The following THAP4 variants were observed in gnomAD, a reference collection of about 807,000 sequenced individuals.
The protein encoded by THAP4 is THAP domain containing 4.
THAP4 carries 18 observed loss-of-function variants against 48.1 expected under a neutral mutation model. The ratio of observed to expected loss-of-function variants is 0.37; its 90% CI spans 0.26 to 0.56. THAP4 has a LOEUF of 0.56. Among genes scored for constraint, THAP4 ranks in the 20% least tolerant of loss-of-function variants. The pLI is 0.78. For missense variants in THAP4, 656 were observed against 774.9 expected (o/e 0.85, Z 1.82); for synonymous variants, 345 against 324.9 (o/e 1.06, Z -0.66).
rs528654526 is a variant in THAP4, at chr2:241,616,145, T to C, written c.1241-9672A>G. On this transcript the variant is annotated intron_variant, in intron 2 of 5. Coordinates refer to ENST00000407315, the MANE Select transcript of THAP4 (RefSeq NM_015963.6). This position sits in a 1 kb window ranked among gnomAD's most constrained non-coding sequence, Gnocchi z 4.6. Reference sequence around the variant, plus strand: ...TGGTCAAGTTGAACTGGACCATCTATTCCCCCAAGTGGGCCTGGATGGGCC... The same window carrying C: ...TGGTCAAGTTGAACTGGACCATCTACTCCCCCAAGTGGGCCTGGATGGGCC... Among the ~76,000 whole-genome samples the C allele has an allele frequency of 2.6e-5, 4 of 152,282 alleles. No homozygotes were observed. In the East Asian group the frequency reaches 5.8e-4, roughly 22 times the overall value.
chr2:241,584,652 G>C lies in THAP4; in HGVS notation c.1688C>G (p.Pro563Arg). ...GGTGACGTGAAGATGCTGAGTCATT[G>C]GCTGTGTCGTGGTTGCCATGGAGAC... is the stretch of plus-strand genomic sequence containing the variant. The part of the protein sequence containing the change: ...QTVSMATTTQ[P>R]MTQHLHVTYK... Residue 563 changes from proline to arginine, a missense_variant, in exon 6 of 6, where the codon CCA becomes CGA. Coordinates refer to ENST00000407315, the MANE Select transcript of THAP4 (RefSeq NM_015963.6). The C allele has an allele frequency of 6.2e-7, 1 of 1,614,216 alleles. No homozygotes were observed. Among genetic ancestry groups the C allele is most frequent in the Non-Finnish European group, 8.5e-7 (1 of 1,180,042 alleles).
chr2:241,598,912 G>A (rs35145466), intron 5 of THAP4, among the ~76,000 whole-genome samples: 9,036 of 147,078 alleles, frequency 0.061, 411 homozygotes, highest in Non-Finnish European at 0.092. Flanking sequence ...ACCAAGATAC[G>A]CACCTGCACT....
intron 5 of THAP4, among the ~76,000 whole-genome samples, chr2:241,595,312 G>A (rs1334750559): frequency 6.6e-6 from 1 of 151,858 alleles, no homozygotes; most frequent in African/African-American, 2.4e-5. Flanking sequence ...ACCGCACTCA[G>A]CCCTGCATTA....
At chr2:241,623,889 AG>A (rs2067464577) in intron 2 of THAP4, among the ~76,000 whole-genome samples, 1 of 152,236 alleles carries the variant, frequency 6.6e-6, no homozygotes, top group South Asian at 2.1e-4. Flanking sequence ...GGCCACATGC[AG>A]GTCTTTTCCC....
intron 5 of THAP4, chr2:241,594,594 AC>A (rs1322675065): frequency 8.4e-6 from 3 of 357,292 alleles, no homozygotes; most frequent in East Asian, 8.6e-5. Context: ...AAACAAAACA[AC>A]AACAACAACA....
intron 2 of THAP4, among the ~76,000 whole-genome samples, chr2:241,611,770 G>C (rs1232087654): frequency 6.6e-6 from 1 of 151,580 alleles, no homozygotes; most frequent in Non-Finnish European, 1.5e-5. Flanking sequence ...TGCTGCTCCT[G>C]AAGACCTTCT....
intron 2 of THAP4, among the ~76,000 whole-genome samples, chr2:241,623,144 G>C (rs987855568): frequency 3.3e-5 from 5 of 152,064 alleles, no homozygotes; most frequent in Non-Finnish European, 5.9e-5. Flanking sequence ...TTGAACCAGG[G>C]AGTCGGAGGC....
Position 241,637,052 on chromosome 2 carries a change from G to A in THAP4, c.-35C>T, listed in dbSNP as rs764561747. ...TGGCCCAGCCGCGCAGCCAGGCCCC[G>A]GCCCTAGCCGCCCGCCCGCCCGCGG... is the stretch of plus-strand genomic sequence containing the variant. On this transcript the variant is annotated 5_prime_UTR_variant, in exon 1 of 6. Coordinates refer to ENST00000407315, the MANE Select transcript of THAP4 (RefSeq NM_015963.6). The A allele has an allele frequency of 5.2e-6, 6 of 1,151,600 alleles. No homozygotes were observed. The highest frequency in any genetic ancestry group is 2.1e-5 in the South Asian group (1 of 47,430). 71.3% of individuals were successfully genotyped at this position (1,151,600 alleles called of 1,614,324 possible). A position where few individuals can be genotyped will look rare whatever the true frequency, so the allele number is the denominator to read the frequency against.
chr2:241,607,374 G>A (rs576353839), intron 2 of THAP4, among the ~76,000 whole-genome samples: 20 of 151,940 alleles, frequency 1.3e-4, no homozygotes, highest in Non-Finnish European at 2.8e-4. Context: ...GGATGCACGG[G>A]CCCTGCTCTT....
At chr2:241,611,163 T>TG (rs550358352) in intron 2 of THAP4, among the ~76,000 whole-genome samples, 66 of 152,066 alleles carry the variant, frequency 4.3e-4, no homozygotes, top group African/African-American at 1.1e-3. Context: ...CTCTGGGAGC[T>TG]GGGGGGGTGG....
At chr2:241,584,789 T>A (rs2066871979) in intron 5 of THAP4, 64 bp from the exon 6 acceptor site, 5 of 1,592,220 alleles carry the variant, frequency 3.1e-6, no homozygotes, top group Non-Finnish European at 4.3e-6. Context: ...TCAATGCCTG[T>A]GCGCCCACTG....
In THAP4 at chr2:241,610,638, G is replaced by A. The variant is rs967954055; in HGVS notation, c.1241-4165C>T. On this transcript the variant is annotated intron_variant, in intron 2 of 5. Coordinates refer to ENST00000407315, the MANE Select transcript of THAP4 (RefSeq NM_015963.6). This position sits in a 1 kb window ranked among gnomAD's most constrained non-coding sequence, Gnocchi z 4.2. ...TCTTCTCCCGGCCCCTCATCTACTT[G>A]GCAGACGCCTCTCACCGGCAGCCTC... is the stretch of plus-strand genomic sequence containing the variant. Among the ~76,000 whole-genome samples, 7 of 151,672 alleles carry A rather than the reference G, an allele frequency of 4.6e-5. No individual in the cohort carries two copies. The highest frequency in any genetic ancestry group is 7.4e-5 in the Non-Finnish European group (5 of 67,934).
At chr2:241,613,336 C>A (rs1322767801) in intron 2 of THAP4, among the ~76,000 whole-genome samples, 1 of 151,812 alleles carries the variant, frequency 6.6e-6, no homozygotes. Context: ...GTGGTAGATG[C>A]CTGGTCGTAC....
rs967076698 is a variant in THAP4, at chr2:241,633,683, G to A, written c.474C>T (p.Ala158=). Residue 158 remains alanine (A), a synonymous_variant, in exon 2 of 6, where the codon GCC becomes GCT. Transcript: ENST00000407315. The surrounding 1 kb of genome is among the most constrained non-coding windows in gnomAD (Gnocchi z 7.5). ...CCTGCTCCTGGCTGGCGGCCTCCTG[G>A]GCCGCCCTGGGTGTGGCTTCACCTT... ...ALQGEATPRA[A]QEAASQEQAQ... 6.8e-6 allele frequency: 11 copies of A among 1,611,306 alleles called. No individual in the cohort carries two copies. Among genetic ancestry groups the A allele is most frequent in the Non-Finnish European group, 7.6e-6 (9 of 1,179,728 alleles).
rs776208766 is a variant in THAP4 at position 241,632,901 on chromosome 2, AG to A, written c.1240+15del. ...AACGGGAAGGGAACATGGGTACGCGAGGCTCCGGTACTGACCGCGGCTGGGC... is the reference window on the plus strand; with the variant it reads ...AACGGGAAGGGAACATGGGTACGCGAGCTCCGGTACTGACCGCGGCTGGGC... On this transcript the variant is annotated intron_variant, in intron 2 of 5. Transcript: ENST00000407315. 1 of 1,555,422 alleles carries A rather than the reference AG, an allele frequency of 6.4e-7. No homozygotes were observed. Among genetic ancestry groups the A allele is most frequent in the East Asian group, 2.3e-5 (1 of 44,132 alleles).
chr2:241,585,282 A>G (rs2066880222), intron 5 of THAP4, among the ~76,000 whole-genome samples: 1 of 152,106 alleles, frequency 6.6e-6, no homozygotes, highest in East Asian at 1.9e-4. Context: ...TAAGTCCCGA[A>G]TGAGTCAGCC....
rs1023917910 is a variant in THAP4, at chr2:241,602,761, C to T, written c.1510+209G>A. ...GGGCCCTCATGGTCAGGGGGCTGCA[C>T]GCACACAACCTGTGTGCCGGAGGCC... On this transcript the variant is annotated intron_variant, in intron 4 of 5. Coordinates refer to ENST00000407315, the MANE Select transcript of THAP4 (RefSeq NM_015963.6). Among the ~76,000 whole-genome samples, 5 of 152,250 alleles carry T rather than the reference C, an allele frequency of 3.3e-5. No individual in the cohort carries two copies. In the South Asian group the frequency reaches 8.3e-4, roughly 25 times the overall value.
Position 241,636,992 on chromosome 2 carries a change from T to C in THAP4, c.26A>G (p.Asn9Ser). MVICCAAV[N>S]CSNRQGKGEK... ...GCCCTTTCCCTGCCGGTTGGAGCAG[T>C]TCACGGCCGCACAGCAGATCACCAT... The change falls in exon 1 of 6, where the codon AAC (asparagine) becomes AGC (serine). Residue 9 changes from asparagine (N) to serine (S), a missense_variant. By Grantham distance (46) the Asn-to-Ser change is conservative (BLOSUM62 1). This residue lies in a region of THAP4 where 59 missense variants were observed against 45.8 expected (regional missense o/e 1.29). Transcript: ENST00000407315. The C allele has an allele frequency of 2.3e-6, 3 of 1,320,616 alleles. No homozygotes were observed. Among genetic ancestry groups the C allele is most frequent in the Non-Finnish European group, 3.0e-6 (3 of 1,011,834 alleles). The allele number at this position is 1,320,616 out of a possible 1,614,324, so 81.8% of individuals were successfully genotyped here. A position where few individuals can be genotyped will look rare whatever the true frequency, so the allele number is the denominator to read the frequency against.
intron 2 of THAP4, chr2:241,617,593 TAA>T: frequency 1.2e-6 from 1 of 842,314 alleles, no homozygotes; most frequent in Non-Finnish European, 1.8e-6. Context: ...CAGAAGAAAG[TAA>T]AAGACAATGA....
Sources: allele counts gnomAD v4.1 joint callset (sites outside exome capture counted in the v4.1 genomes callset), GRCh38; gene constraint gnomAD v4.1.1; regional missense constraint gnomAD v4.1.1; non-coding constraint Gnocchi (gnomAD v3.1); transcripts MANE v1.5; gene names NCBI Gene and HGNC (gene_info 2026-07-23, HGNC 2026-07-21).